CETN3: variants seen among roughly 807,000 people sequenced by gnomAD.
The protein encoded by CETN3 is centrin 3.
Under a neutral mutation model 20.1 loss-of-function variants are expected in CETN3, and 17 were observed. That is an observed-to-expected ratio of 0.85 (90% confidence interval 0.58 to 1.27). CETN3 has a LOEUF of 1.27. CETN3 is among the 50% of genes most tolerant of loss of function. CETN3 has a pLI of 0.00. For synonymous variants in CETN3, 52 were observed against 59.7 expected (o/e 0.87, Z 0.59); for missense variants, 169 against 191.2 (o/e 0.88, Z 0.69).
chr5:90,398,262 C>G (rs1254929768), intron 4 of CETN3, among the ~76,000 whole-genome samples: 1 of 152,070 alleles, frequency 6.6e-6, no homozygotes, highest in African/African-American at 2.4e-5. Flanking sequence ...ACAAAAAAGA[C>G]AGCAAGGTCT....
Position 90,409,724 on chromosome 5 carries a change from G to C in CETN3, c.-63C>G, listed in dbSNP as rs1480167462. 6.2e-7 allele frequency: 1 copy of C among 1,602,340 alleles called. No individual in the cohort carries two copies. The highest frequency in any genetic ancestry group is 8.5e-7 in the Non-Finnish European group (1 of 1,169,608). ...TTTAACCCCCTACCCAAGGCAGCAAGACGCCCACAGCCGTTCAACAGACAC... is the reference window on the plus strand; with the variant it reads ...TTTAACCCCCTACCCAAGGCAGCAACACGCCCACAGCCGTTCAACAGACAC... On this transcript the variant is annotated 5_prime_UTR_variant, in exon 1 of 5. Transcript: ENST00000283122.
At chr5:90,406,813 T>C (rs1749456424) in intron 2 of CETN3, among the ~76,000 whole-genome samples, 1 of 69,942 alleles carries the variant, frequency 1.4e-5, no homozygotes, top group Admixed American at 1.8e-4. Flanking sequence ...GAACAGACAT[T>C]ATAAAGGAAG....
chr5:90,409,755 ACCTCAGCGG>A (rs1417387132), exon 1 of CETN3: 30 of 1,459,484 alleles, frequency 2.1e-5, no homozygotes, highest in African/African-American at 8.3e-5. Context: ...GACACGAACG[ACCTCAGCGG>A]CCTCAGGGAC....
Position 90,402,026 on chromosome 5 carries a change from T to A in CETN3, c.269-2477A>T, listed in dbSNP as rs1474014695. ...ATCATGTCTGGCTAATTTTTTAAAATTTTTTTGTAGAGACAGGATCTCACT... is the reference window on the plus strand; with the variant it reads ...ATCATGTCTGGCTAATTTTTTAAAAATTTTTTGTAGAGACAGGATCTCACT... On this transcript the variant is annotated intron_variant, in intron 3 of 4. Coordinates refer to ENST00000283122, the MANE Select transcript of CETN3 (RefSeq NM_004365.4). 3.9e-5 allele frequency among the ~76,000 whole-genome samples: 6 copies of A among 152,048 alleles called. 1 individual carries two copies. The highest frequency in any genetic ancestry group is 1.5e-5 in the Non-Finnish European group (1 of 68,002).
intron 3 of CETN3, among the ~76,000 whole-genome samples, chr5:90,402,845 C>T (rs1460403811): frequency 6.6e-6 from 1 of 152,166 alleles, no homozygotes; most frequent in Non-Finnish European, 1.5e-5. Flanking sequence ...ACATTGTAAA[C>T]TCCCTGAAAG....
rs1381558185 is a variant in CETN3 at position 90,392,531 on chromosome 5, T to A, written c.*1533A>T. 1 of 152,218 alleles carries A rather than the reference T, an allele frequency of 6.6e-6. No homozygotes were observed. Among genetic ancestry groups the A allele is most frequent in the East Asian group, 1.9e-4 (1 of 5,198 alleles). The allele number at this position is 152,218 out of a possible 1,614,324, so 9.4% of individuals were successfully genotyped here. A position where few individuals can be genotyped will look rare whatever the true frequency, so the allele number is the denominator to read the frequency against. On this transcript the variant is annotated 3_prime_UTR_variant, in exon 5 of 5. Transcript: ENST00000283122. ...TGAGGTCTGGTGGGAGGTGATTAGA[T>A]GTCCTCACAATAGTGAGTTCTCATG...
chr5:90,409,569 G>A (rs1749568550), intron 1 of CETN3, 76 bp downstream of exon 1: 1 of 1,564,242 alleles, frequency 6.4e-7, no homozygotes, highest in Non-Finnish European at 8.8e-7. Flanking sequence ...GGCCCCAAAC[G>A]TCCTCCCTTC....
chr5:90,407,574 T>C (rs558426319), intron 2 of CETN3, 125 bp downstream of exon 2: 1 of 609,504 alleles, frequency 1.6e-6, no homozygotes, highest in East Asian at 3.4e-5. Context: ...TATGAATGCT[T>C]AAAATGCCTT....
chr5:90,394,044 G>A lies in CETN3; in HGVS notation c.*20C>T, dbSNP rs1749083740. On this transcript the variant is annotated 3_prime_UTR_variant, in exon 5 of 5. Transcript: ENST00000283122. ...TAAGATGGTAACTGCAACATTCTTA[G>A]TGTTTATCCTTGTAATTCTTTAAAT... is the stretch of plus-strand genomic sequence containing the variant. 7 of 1,487,370 alleles carry A rather than the reference G, an allele frequency of 4.7e-6. No individual in the cohort carries two copies. Among genetic ancestry groups the A allele is most frequent in the Non-Finnish European group, 6.5e-6 (7 of 1,075,114 alleles). 92.1% of individuals were successfully genotyped at this position (1,487,370 alleles called of 1,614,324 possible).
chr5:90,397,839 G>A (rs1749170580), intron 4 of CETN3, among the ~76,000 whole-genome samples: 1 of 151,910 alleles, frequency 6.6e-6, no homozygotes, highest in African/African-American at 2.4e-5. Flanking sequence ...CTCTATATAT[G>A]CATCTATTAT....
At chr5:90,396,782 T>C (rs956983904) in intron 4 of CETN3, among the ~76,000 whole-genome samples, 1 of 152,186 alleles carries the variant, frequency 6.6e-6, no homozygotes, top group African/African-American at 2.4e-5. Flanking sequence ...TTAATTTTTA[T>C]ATTGTTTATA....
intron 3 of CETN3, among the ~76,000 whole-genome samples, chr5:90,405,155 T>C (rs1329301419): frequency 6.6e-6 from 1 of 152,140 alleles, no homozygotes; most frequent in Non-Finnish European, 1.5e-5. Context: ...GATGACTTTA[T>C]CCACTGAGAT....
intron 3 of CETN3, among the ~76,000 whole-genome samples, chr5:90,399,763 G>A (rs903808203): frequency 4.6e-5 from 7 of 151,906 alleles, no homozygotes; most frequent in Non-Finnish European, 7.4e-5. Flanking sequence ...TTTATCATGA[G>A]CAACTTGTCT....
At chr5:90,404,868 GAAAAA>G (rs375642418) in intron 3 of CETN3, among the ~76,000 whole-genome samples, 1 of 122,234 alleles carries the variant, frequency 8.2e-6, no homozygotes, top group Admixed American at 8.4e-5. Context: ...TTGGTTTAGA[GAAAAA>G]AAAAAAAAGA....
chr5:90,400,343 T>TA (rs74651176), intron 3 of CETN3, among the ~76,000 whole-genome samples: 21,951 of 152,114 alleles, frequency 0.14, 1,941 homozygotes, highest in East Asian at 0.24. Flanking sequence ...TAATCACATG[T>TA]AATAACATAG....
chr5:90,403,668 G>A (rs1289020121), intron 3 of CETN3, among the ~76,000 whole-genome samples: 1 of 151,306 alleles, frequency 6.6e-6, no homozygotes, highest in East Asian at 1.9e-4. Flanking sequence ...TCAGGAGATC[G>A]AGACCATCCC....
chr5:90,399,376 T>C lies in CETN3; in HGVS notation c.442A>G (p.Lys148Glu), dbSNP rs755017846. The change falls in exon 4 of 5, where the codon AAA (lysine) becomes GAA (glutamate). Residue 148 changes from lysine to glutamate, a missense_variant. Physicochemically the swap from Lys to Glu is moderately conservative, Grantham distance 56. Transcript: ENST00000283122. ...AACTTACTTTCTCCATCACCATCTT[T>C]GTCAAATTCTTCTATCATAGCTCGA... ...ELRAMIEEFD[K>E]DGDGEINQEE... is the part of the protein sequence containing the mutation. 1.2e-6 allele frequency: 2 copies of C among 1,614,054 alleles called. No individual in the cohort carries two copies. Among genetic ancestry groups the C allele is most frequent in the South Asian group, 1.1e-5 (1 of 91,078 alleles).
chr5:90,404,776 G>A (rs1337005599), intron 3 of CETN3, among the ~76,000 whole-genome samples: 2 of 151,284 alleles, frequency 1.3e-5, no homozygotes, highest in African/African-American at 2.4e-5. Flanking sequence ...TAAAATAAGG[G>A]GTTTGTGTAT....
intron 3 of CETN3, among the ~76,000 whole-genome samples, chr5:90,404,249 G>A (rs1459943083): frequency 6.6e-6 from 1 of 152,182 alleles, no homozygotes; most frequent in Admixed American, 6.5e-5. Flanking sequence ...AAAAGACCAA[G>A]TTCCAGAGCT....
Sources: gnomAD v4.1 joint callset for allele counts (sites outside exome capture counted in the v4.1 genomes callset) on GRCh38, gnomAD v4.1.1 for gene constraint, MANE v1.5 for transcripts, NCBI Gene and HGNC (gene_info 2026-07-23, HGNC 2026-07-21) for gene names.